The following SPATA13 variants were observed in gnomAD, a reference collection of about 807,000 sequenced individuals.
SPATA13 encodes the protein spermatogenesis associated 13, also known as spermatogenesis-associated protein 13.
Under a neutral mutation model 104.0 loss-of-function variants are expected in SPATA13, and 50 were observed. The ratio of observed to expected loss-of-function variants is 0.48; its 90% CI spans 0.38 to 0.61. SPATA13 has a LOEUF of 0.61. Among genes scored for constraint, SPATA13 ranks in the 20% least tolerant of loss-of-function variants. The pLI is 0.00. For missense variants in SPATA13, 1,524 were observed against 1,690.6 expected (o/e 0.90, Z 1.73); for synonymous variants, 606 against 667.5 (o/e 0.91, Z 1.42).
rs78044119 is a variant in SPATA13 at position 24,045,697 on chromosome 13, C to T, written c.-112+27996C>T. Among the ~76,000 whole-genome samples, 947 of 152,288 alleles carry T rather than the reference C, an allele frequency of 6.2e-3. 32 individuals carry two copies. The East Asian group carries it at 0.11, about 17-fold the overall frequency. ...AGGCTTCATTTTTGTTGTGAAGAAT[C>T]GCCAAGCAAGTCCTATAAAATACAT... On this transcript the variant is annotated intron_variant, in intron 3 of 14. Coordinates refer to the SPATA13 transcript ENST00000424834.
chr13:24,149,040 T>A (rs1323238040), intron 3 of SPATA13, among the ~76,000 whole-genome samples: 2 of 152,152 alleles, frequency 1.3e-5, no homozygotes, highest in Non-Finnish European at 2.9e-5. Flanking sequence ...GAATGAGGAT[T>A]TGAATGTCAC....
chr13:24,224,094 G>C lies in SPATA13; in HGVS notation c.1165G>C (p.Val389Leu). ...VMHGTTATCT[V>L]APGFGSATSK... Reference sequence around the variant, plus strand: ...GCATGGGACCACTGCAACCTGCACCGTGGCCCCCGGTTTCGGCTCAGCCAC... The same window carrying C: ...GCATGGGACCACTGCAACCTGCACCCTGGCCCCCGGTTTCGGCTCAGCCAC... The change falls in exon 2 of 13, where the codon GTG becomes CTG. Residue 389 changes from valine (V) to leucine (L), a missense_variant. Transcript: ENST00000382108. 1.3e-6 allele frequency: 2 copies of C among 1,551,330 alleles called. No homozygotes were observed. The highest frequency in any genetic ancestry group is 1.7e-6 in the Non-Finnish European group (2 of 1,146,956).
At chr13:24,263,733 C>T (rs1297272653) in intron 4 of SPATA13, among the ~76,000 whole-genome samples, 1 of 152,216 alleles carries the variant, frequency 6.6e-6, no homozygotes, top group Admixed American at 6.5e-5. Context: ...TTTCAATCTG[C>T]AGTTGGTTGA....
chr13:24,204,210 A>G (rs912147), intron 1 of SPATA13, among the ~76,000 whole-genome samples: 135,169 of 152,166 alleles, frequency 0.89, 62,224 homozygotes, highest in East Asian at 1. Context: ...GAATAATACC[A>G]TTTAATTCTC....
rs186809456 is a variant in SPATA13, at chr13:24,047,510, A to G, written c.-112+29809A>G. The stretch of plus-strand genomic sequence containing the variant: ...TGTTTTAAAGTTAACAAAGGCAATT[A>G]GCTTGTGAGAATAGAAGCAAGATGG... On this transcript the variant is annotated intron_variant, in intron 3 of 14. Coordinates refer to the SPATA13 transcript ENST00000424834. Among the ~76,000 whole-genome samples, 1,025 of 152,362 alleles carry G rather than the reference A, an allele frequency of 6.7e-3. 6 individuals are homozygous for G. The highest frequency in any genetic ancestry group is 0.017 in the Middle Eastern group (5 of 294).
intron 3 of SPATA13, among the ~76,000 whole-genome samples, chr13:24,151,969 G>A (rs1413245195): frequency 6.6e-6 from 1 of 152,218 alleles, no homozygotes; most frequent in Admixed American, 6.5e-5. Context: ...CTGTGAAGAT[G>A]TGGTTCAGTT....
intron 3 of SPATA13, among the ~76,000 whole-genome samples, chr13:24,047,796 A>G (rs889099452): frequency 1.3e-5 from 2 of 152,232 alleles, no homozygotes; most frequent in Non-Finnish European, 2.9e-5. Context: ...ACTTATGATG[A>G]GGGACTCACC....
At chr13:24,215,005 T>C (rs1220602) in intron 1 of SPATA13, among the ~76,000 whole-genome samples, 84,816 of 152,100 alleles carry the variant, frequency 0.56, 24,077 homozygotes, top group African/African-American at 0.66. Context: ...TGGGATATTA[T>C]ACCAGAGTAT....
intron 4 of SPATA13, among the ~76,000 whole-genome samples, chr13:24,282,190 C>G (rs13313271): frequency 2.6e-5 from 4 of 151,686 alleles, no homozygotes; most frequent in Non-Finnish European, 4.4e-5. Flanking sequence ...TGGGGCTGGA[C>G]GTGTGTCTGC....
At chr13:24,100,916 G>T (rs1168080221) in intron 3 of SPATA13, among the ~76,000 whole-genome samples, 1 of 152,140 alleles carries the variant, frequency 6.6e-6, no homozygotes, top group African/African-American at 2.4e-5. Context: ...GCGTTCTCTT[G>T]ATATAAATCT....
intron 4 of SPATA13, among the ~76,000 whole-genome samples, chr13:24,267,337 G>A (rs1328391514): frequency 1.3e-5 from 2 of 152,160 alleles, no homozygotes; most frequent in Non-Finnish European, 2.9e-5. Context: ...CTGATTTCAA[G>A]GCAGTCTTTG....
At chr13:24,047,428 A>G (rs1488109435) in intron 3 of SPATA13, among the ~76,000 whole-genome samples, 1 of 152,202 alleles carries the variant, frequency 6.6e-6, no homozygotes, top group African/African-American at 2.4e-5. Context: ...TTACAAAGGC[A>G]GTTTCGGTCC....
upstream of SPATA13, among the ~76,000 whole-genome samples, chr13:24,158,685 A>G (rs915530024): frequency 2.0e-5 from 3 of 151,714 alleles, no homozygotes; most frequent in Non-Finnish European, 4.4e-5. Flanking sequence ...AAACTCACAA[A>G]CAAACAATCA....
chr13:24,159,627 G>A (rs1040699988), upstream of SPATA13, among the ~76,000 whole-genome samples: 10 of 152,108 alleles, frequency 6.6e-5, no homozygotes, highest in Admixed American at 3.3e-4. Flanking sequence ...GGCTCACGCC[G>A]CATGCTGTTC....
At chr13:24,003,988 G>T (rs558032365) in intron 2 of SPATA13, among the ~76,000 whole-genome samples, 1 of 152,256 alleles carries the variant, frequency 6.6e-6, no homozygotes, top group Non-Finnish European at 1.5e-5. Flanking sequence ...CATACACACA[G>T]AAACAGCACT....
At chr13:24,190,893 G>GTATCTCAT in intron 1 of SPATA13, among the ~76,000 whole-genome samples, 1 of 152,234 alleles carries the variant, frequency 6.6e-6, no homozygotes, top group Non-Finnish European at 1.5e-5. Context: ...CTATCAAACA[G>GTATCTCAT]TATCGCATCC....
chr13:24,278,657 C>T (rs1875197463), intron 4 of SPATA13: 3 of 1,503,202 alleles, frequency 2.0e-6, no homozygotes, highest in Non-Finnish European at 2.6e-6. Context: ...TCAAAGCACA[C>T]CAATAACAAG....
At chr13:24,218,462 T>C (rs148189471) in intron 1 of SPATA13, among the ~76,000 whole-genome samples, 209 of 152,256 alleles carry the variant, frequency 1.4e-3, no homozygotes, top group African/African-American at 5.0e-3. Context: ...CACTGGGCCC[T>C]AGCATCCTCA....
intron 3 of SPATA13, among the ~76,000 whole-genome samples, chr13:24,105,124 T>C (rs1446565979): frequency 6.6e-6 from 1 of 152,010 alleles, no homozygotes; most frequent in African/African-American, 2.4e-5. Context: ...TTTTGTTTTG[T>C]TTTGTTTTGT....
Sources: allele counts gnomAD v4.1 joint callset (sites outside exome capture counted in the v4.1 genomes callset), GRCh38; gene constraint gnomAD v4.1.1; transcripts MANE v1.5; gene names NCBI Gene and HGNC (gene_info 2026-07-23, HGNC 2026-07-21).